The following MUC12 variants were observed in gnomAD, a reference collection of about 807,000 sequenced individuals.
MUC12 encodes mucin-12.
Under a neutral mutation model 230.8 loss-of-function variants are expected in MUC12, and 172 were observed. That is an observed-to-expected ratio of 0.75 (90% CI 0.66 to 0.85). The LOEUF is 0.85. Ranked by LOEUF, MUC12 falls within the 40% of genes least tolerant of loss-of-function variation. MUC12 has a pLI of 0.00. For missense variants in MUC12, 3,506 were observed against 5,920.6 expected (o/e 0.59, Z 13.38); for synonymous variants, 1,259 against 2,401.9 (o/e 0.52, Z 13.91).
Position 100,992,599 on chromosome 7 carries a change from C to G in MUC12, c.2036C>G (p.Thr679Ser). The G allele has an allele frequency of 2.0e-6, 3 of 1,537,808 alleles. No homozygotes were observed. Among genetic ancestry groups the G allele is most frequent in the Non-Finnish European group, 2.6e-6 (3 of 1,146,962 alleles). Residue 679 changes from threonine (T) to serine (S), a missense_variant, in exon 2 of 12, where the codon ACC becomes AGC. Thr to Ser is a moderately conservative substitution (Grantham distance 58). Transcript: ENST00000536621. ...PTTHISARST[T>S]SGLVEESTTY... The stretch of plus-strand genomic sequence containing the variant: ...ACCCACATTTCTGCCCGCTCCACAA[C>G]CTCAGGCCTCGTTGAAGAATCTACG...
Position 100,990,635 on chromosome 7 carries a change from A to G in MUC12, c.72A>G (p.Ser24=). The change falls in exon 2 of 12, where the codon TCA becomes TCG. Residue 24 remains serine (S), a synonymous_variant. Transcript: ENST00000536621. ...CTGGTTTCTCTCAAATCACAGGCTC[A>G]ACAGTAAACACCAGTATTGGAGGTA... ...CASVTTVTPG[S]TVNTSIGGNT... 1.3e-6 allele frequency: 2 copies of G among 1,537,456 alleles called. No individual in the cohort carries two copies. Among genetic ancestry groups the G allele is most frequent in the Middle Eastern group, 1.7e-4 (1 of 5,992 alleles).
At chr7:100,984,092 A>G (rs1793150029) in intron 1 of MUC12, among the ~76,000 whole-genome samples, 1 of 152,122 alleles carries the variant, frequency 6.6e-6, no homozygotes, top group African/African-American at 2.4e-5. Flanking sequence ...CAGTGTTACC[A>G]GATGGCACCA....
In MUC12 at chr7:100,990,869, C is replaced by T. The variant is rs954201490; in HGVS notation, c.306C>T (p.Thr102=). ...GTTLFPSHSA[T]SVFVGEPKTS... ...CACTCTTCCCTTCCCACTCTGCAAC[C>T]TCAGTTTTTGTTGGAGAACCTAAAA... The change falls in exon 2 of 12, where the codon ACC becomes ACT. Residue 102 remains threonine (T), a synonymous_variant. Coordinates refer to ENST00000536621, the MANE Select transcript of MUC12 (RefSeq NM_001164462.2). 6.5e-7 allele frequency: 1 copy of T among 1,537,736 alleles called. No homozygotes were observed. Among genetic ancestry groups the T allele is most frequent in the Admixed American group, 2.0e-5 (1 of 50,988 alleles).
intron 3 of MUC12, among the ~76,000 whole-genome samples, chr7:101,007,709 G>C (rs922702997): frequency 2.0e-5 from 3 of 152,290 alleles, no homozygotes; most frequent in African/African-American, 7.2e-5. Flanking sequence ...AACAAACATG[G>C]GAGTGCAGAG....
chr7:101,015,630 GCCTCA>G lies in MUC12; in HGVS notation c.15817_15821del (p.Pro5273ArgfsTer30), dbSNP rs1168667245. 6.5e-7 allele frequency: 1 copy of G among 1,537,590 alleles called. No homozygotes were observed. Among genetic ancestry groups the G allele is most frequent in the African/African-American group, 1.4e-5 (1 of 73,032 alleles). On this transcript the variant is annotated frameshift_variant, in exon 10 of 12. Coordinates refer to ENST00000536621, the MANE Select transcript of MUC12 (RefSeq NM_001164462.2). LOFTEE classifies it high-confidence loss of function. ...CTGTCTGCAGGGAACAGTATGATGTGCCTCAAGAGTGGCGAAAGGAAGGCACCCCT... is the reference window on the plus strand; with the variant it reads ...CTGTCTGCAGGGAACAGTATGATGTGAGAGTGGCGAAAGGAAGGCACCCCT...
chr7:100,981,226 C>T (rs768676085), intron 1 of MUC12: 3 of 401,962 alleles, frequency 7.5e-6, no homozygotes, highest in Non-Finnish European at 1.3e-5. Context: ...TTGTGGAGCA[C>T]CCTGACCCTG....
chr7:100,991,143 A>C lies in MUC12; in HGVS notation c.580A>C (p.Thr194Pro), dbSNP rs771764880. The C allele has an allele frequency of 2.6e-6, 4 of 1,537,674 alleles. No homozygotes were observed. Among genetic ancestry groups the C allele is most frequent in the Non-Finnish European group, 3.5e-6 (4 of 1,147,034 alleles). Residue 194 changes from threonine (T) to proline (P), a missense_variant, in exon 2 of 12, where the codon ACA becomes CCA. By Grantham distance (38) the Thr-to-Pro change is conservative. Transcript: ENST00000536621. ...CATGCCAGGCGTCAGTCAGGAATCTACAGCTTCCCACAGCATCCCCGGCTC... is the reference window on the plus strand; with the variant it reads ...CATGCCAGGCGTCAGTCAGGAATCTCCAGCTTCCCACAGCATCCCCGGCTC... ...TTMPGVSQES[T>P]ASHSIPGSTD... is the part of the protein sequence containing the mutation.
At chr7:100,987,626 C>T (rs1442927985) in intron 1 of MUC12, among the ~76,000 whole-genome samples, 2 of 152,204 alleles carry the variant, frequency 1.3e-5, no homozygotes, top group Admixed American at 1.3e-4. Flanking sequence ...CTTGGACCAT[C>T]CCCTTGGTGA....
chr7:101,014,226 T>C, intron 9 of MUC12, 152 bp downstream of exon 9: 1 of 852,206 alleles, frequency 1.2e-6, no homozygotes, highest in Non-Finnish European at 1.7e-6. Context: ...CTCCCAGCCC[T>C]GGGTGCAGCA....
In MUC12 at chr7:100,991,065, T is replaced by C; in HGVS notation, c.502T>C (p.Ser168Pro). ...AGGCGTCAGTGAAAAATCAACCACC[T>C]CCCACAGCCGACCAGGCCCAACGCA... ...SSGVSEKSTT[S>P]HSRPGPTHTI... The change falls in exon 2 of 12, where the codon TCC (serine) becomes CCC (proline). Residue 168 changes from serine to proline, a missense_variant. By Grantham distance (74) the Ser-to-Pro change is moderately conservative (BLOSUM62 -1). Transcript: ENST00000536621. The C allele has an allele frequency of 6.5e-7, 1 of 1,537,152 alleles. No individual in the cohort carries two copies. The highest frequency in any genetic ancestry group is 8.7e-7 in the Non-Finnish European group (1 of 1,146,754).
intron 3 of MUC12, among the ~76,000 whole-genome samples, chr7:101,008,051 A>C (rs1370396885): frequency 1.3e-5 from 2 of 150,184 alleles, no homozygotes; most frequent in African/African-American, 4.9e-5. Context: ...TGATCCACCC[A>C]CCTCGGTCTC....
intron 2 of MUC12, 45 bp from the exon 3 acceptor site, chr7:101,006,426 C>A: frequency 7.1e-7 from 1 of 1,410,296 alleles, no homozygotes; most frequent in South Asian, 1.2e-5. Context: ...TGTTTTTGCT[C>A]TTTGGGCTCC....
chr7:100,991,620 G>A lies in MUC12; in HGVS notation c.1057G>A (p.Gly353Ser), dbSNP rs201915926. 1,304 of 1,536,968 alleles carry A rather than the reference G, an allele frequency of 8.5e-4. 17 individuals carry two copies. The South Asian group carries it at 8.7e-3, about 10-fold the overall frequency. ...TPPPARSATS[G>S]HVEESTAYHR... ...CCCACCTGCCCGCTCCGCGACCTCAGGCCATGTTGAAGAATCTACAGCCTA... is the reference window on the plus strand; with the variant it reads ...CCCACCTGCCCGCTCCGCGACCTCAAGCCATGTTGAAGAATCTACAGCCTA... Residue 353 changes from glycine to serine, a missense_variant, in exon 2 of 12, where the codon GGC becomes AGC. Gly to Ser is a moderately conservative substitution (Grantham distance 56). Coordinates refer to ENST00000536621, the MANE Select transcript of MUC12 (RefSeq NM_001164462.2).
In MUC12 at chr7:101,005,148, C is replaced by T; in HGVS notation, c.14585C>T (p.Thr4862Ile). Residue 4862 changes from threonine to isoleucine, a missense_variant, in exon 2 of 12, where the codon ACC (threonine) becomes ATC (isoleucine). Coordinates refer to ENST00000536621, the MANE Select transcript of MUC12 (RefSeq NM_001164462.2). Reference sequence around the variant, plus strand: ...TACAGCAGCCCAGGCTCAACTGAAACCACAGCGTTTTCTCACAGCAACACA... The same window carrying T: ...TACAGCAGCCCAGGCTCAACTGAAATCACAGCGTTTTCTCACAGCAACACA... The part of the protein sequence containing the change: ...TFYSSPGSTE[T>I]TAFSHSNTMS... The T allele has an allele frequency of 3.9e-6, 6 of 1,537,954 alleles. No individual in the cohort carries two copies. Among genetic ancestry groups the T allele is most frequent in the Non-Finnish European group, 5.2e-6 (6 of 1,147,078 alleles).
chr7:101,005,166 GC>G lies in MUC12; in HGVS notation c.14604del (p.Ser4868ArgfsTer116), dbSNP rs1562792037. The part of the protein sequence containing the change: ...GSTETTAFSH[S>X]NTMSIHSQQS... ...ACTGAAACCACAGCGTTTTCTCACA[GC>G]AACACAATGTCCATTCATAGTCAAC... On this transcript the variant is annotated frameshift_variant, in exon 2 of 12. Coordinates refer to ENST00000536621, the MANE Select transcript of MUC12 (RefSeq NM_001164462.2). LOFTEE classifies it high-confidence loss of function. 2 of 1,537,882 alleles carry G rather than the reference GC, an allele frequency of 1.3e-6. No homozygotes were observed. The highest frequency in any genetic ancestry group is 1.7e-4 in the Middle Eastern group (1 of 5,996).
intron 1 of MUC12, among the ~76,000 whole-genome samples, chr7:100,971,407 G>A (rs1242716738): frequency 6.6e-6 from 1 of 152,212 alleles, no homozygotes; most frequent in African/African-American, 2.4e-5. Context: ...AAGGGGTGGT[G>A]AGGGGGCAGG....
intron 11 of MUC12, 87 bp downstream of exon 11, chr7:101,017,750 C>A: frequency 2.2e-6 from 2 of 917,188 alleles, no homozygotes; most frequent in Non-Finnish European, 3.1e-6. Context: ...CCTTCTCCCC[C>A]TGGGACTCCC....
chr7:101,012,923 G>A, intron 7 of MUC12, 33 bp downstream of exon 7: 2 of 1,537,304 alleles, frequency 1.3e-6, no homozygotes, highest in Non-Finnish European at 1.7e-6. Context: ...GGCACTAAGA[G>A]TGGGGGCTGG....
Position 100,993,550 on chromosome 7 carries a change from C to T in MUC12, c.2987C>T (p.Thr996Ile). Residue 996 changes from threonine (T) to isoleucine (I), a missense_variant, in exon 2 of 12, where the codon ACC becomes ATC. Coordinates refer to ENST00000536621, the MANE Select transcript of MUC12 (RefSeq NM_001164462.2). ...CAGGGAGAATCTACTGCCTTCCAGACCCACCCAGCCTCAACTCACACAACG... is the reference window on the plus strand; with the variant it reads ...CAGGGAGAATCTACTGCCTTCCAGATCCACCCAGCCTCAACTCACACAACG... ...GLQGESTAFQ[T>I]HPASTHTTPS... is the part of the protein sequence containing the mutation. 1.0e-6 allele frequency: 1 copy of T among 1,004,470 alleles called. No individual in the cohort carries two copies. The highest frequency in any genetic ancestry group is 3.9e-5 in the East Asian group (1 of 25,458). The allele number at this position is 1,004,470 out of a possible 1,614,324, so 62.2% of individuals were successfully genotyped here. A position where few individuals can be genotyped will look rare whatever the true frequency, so the allele number is the denominator to read the frequency against.
Sources: gnomAD v4.1 joint callset for allele counts (sites outside exome capture counted in the v4.1 genomes callset) on GRCh38, gnomAD v4.1.1 for gene constraint, MANE v1.5 for transcripts, NCBI Gene and HGNC (gene_info 2026-07-23, HGNC 2026-07-21) for gene names.